The following CLIP1 variants were observed in gnomAD, a reference collection of about 807,000 sequenced individuals.
CLIP1 encodes CAP-Gly domain-containing linker protein 1.
A neutral mutation model predicts 161.6 loss-of-function variants in CLIP1; 66 were observed. The ratio of observed to expected loss-of-function variants is 0.41; its 90% CI spans 0.33 to 0.50. The LOEUF is 0.50. Among genes scored for constraint, CLIP1 ranks in the 20% least tolerant of loss-of-function variants. The pLI is 0.27. For synonymous variants in CLIP1, 598 were observed against 626.2 expected (o/e 0.96, Z 0.67); for missense variants, 1,376 against 1,702.0 (o/e 0.81, Z 3.37).
rs1951271381 is a variant in CLIP1, at chr12:122,316,378, T to C, written c.3473+371A>G. Among the ~76,000 whole-genome samples the C allele has an allele frequency of 1.3e-5, 2 of 151,838 alleles. 1 individual carries two copies. The highest frequency in any genetic ancestry group is 4.2e-4 in the South Asian group (2 of 4,804). ...GCACACACCACCATACCCAACTAAT[T>C]TTTGTACTTTTTGTAGAAACAGGGT... On this transcript the variant is annotated intron_variant, in intron 19 of 25. Coordinates refer to ENST00000620786, the MANE Select transcript of CLIP1 (RefSeq NM_001247997.2).
intron 7 of CLIP1, among the ~76,000 whole-genome samples, chr12:122,353,571 A>G (rs1212067411): frequency 1.3e-5 from 2 of 152,178 alleles, no homozygotes; most frequent in Admixed American, 6.5e-5. Context: ...CCATGATCAC[A>G]CCAGTGCACT....
chr12:122,406,535 C>T (rs539319277), intron 1 of CLIP1, among the ~76,000 whole-genome samples: 1 of 152,252 alleles, frequency 6.6e-6, no homozygotes, highest in African/African-American at 2.4e-5. Flanking sequence ...GCCTGCTAAC[C>T]TTAAGTGTTG....
At chr12:122,354,381 C>CT in intron 7 of CLIP1, 72 bp downstream of exon 7, 1 of 1,145,358 alleles carries the variant, frequency 8.7e-7, no homozygotes, top group South Asian at 1.3e-5. Flanking sequence ...GGCAACAGAG[C>CT]TAGACTCTGT....
chr12:122,356,773 G>C (rs1000743525), intron 5 of CLIP1, among the ~76,000 whole-genome samples: 4 of 151,812 alleles, frequency 2.6e-5, no homozygotes, highest in African/African-American at 7.3e-5. Context: ...GAGTGCCTGC[G>C]ATTGCAGGCG....
chr12:122,291,033 C>A (rs999216658), intron 20 of CLIP1, among the ~76,000 whole-genome samples: 1 of 151,772 alleles, frequency 6.6e-6, no homozygotes, highest in African/African-American at 2.4e-5. Context: ...GCTGGGATTA[C>A]AGGCGCTGCC....
At position 122,273,741 on chromosome 12, in the gene CLIP1, G is replaced by GT. The variant is rs146142230; in HGVS notation, c.4091+296dup. Among the ~76,000 whole-genome samples, 20 of 151,580 alleles carry GT rather than the reference G, an allele frequency of 1.3e-4. No individual in the cohort carries two copies. The East Asian group carries it at 2.9e-3, about 22-fold the overall frequency. ...TGAAACTAAGGTTCCAATCAGTATG[G>GT]TTTTTTTTGAGACAGGGTCTTGCTC... On this transcript the variant is annotated intron_variant, in intron 25 of 25. Coordinates refer to ENST00000620786, the MANE Select transcript of CLIP1 (RefSeq NM_001247997.2).
intron 2 of CLIP1, 43 bp from the exon 3 acceptor site, chr12:122,378,003 C>T (rs1954826118): frequency 6.6e-7 from 1 of 1,515,364 alleles, no homozygotes. Flanking sequence ...AATTTTCAAG[C>T]AGACAACCTC....
chr12:122,318,535 AAAC>A (rs1219160221), intron 18 of CLIP1, among the ~76,000 whole-genome samples: 5 of 152,186 alleles, frequency 3.3e-5, no homozygotes, highest in East Asian at 3.8e-4. Flanking sequence ...CTCCATCTCA[AAAC>A]AACAACAACA....
chr12:122,335,855 A>G (rs999799314), intron 12 of CLIP1, among the ~76,000 whole-genome samples: 1 of 152,044 alleles, frequency 6.6e-6, no homozygotes, highest in African/African-American at 2.4e-5. Flanking sequence ...TTAATAGCAC[A>G]GAAGTGTAAT....
chr12:122,377,585 G>A lies in CLIP1; in HGVS notation c.461C>T (p.Ala154Val). 2 of 1,614,000 alleles carry A rather than the reference G, an allele frequency of 1.2e-6. No homozygotes were observed. Among genetic ancestry groups the A allele is most frequent in the Non-Finnish European group, 8.5e-7 (1 of 1,180,014 alleles). ...RATSPLCTST[A>V]SMVSSSPSTP... ...GGAGGGGGAGGAAGACACCATGCTG[G>A]CCGTAGAAGTGCACAGCGGTGAAGT... is the stretch of plus-strand genomic sequence containing the variant. The change falls in exon 3 of 26, where the codon GCC (alanine) becomes GTC (valine). Residue 154 changes from alanine to valine, a missense_variant. Physicochemically the swap from Ala to Val is moderately conservative, Grantham distance 64. Around this residue, in one of 6 missense-constraint regions of CLIP1, gnomAD observed 119 missense variants for 112.0 expected, o/e 1.06. Coordinates refer to ENST00000620786, the MANE Select transcript of CLIP1 (RefSeq NM_001247997.2).
chr12:122,272,680 A>C lies in CLIP1; in HGVS notation c.*195T>G. On this transcript the variant is annotated 3_prime_UTR_variant, in exon 26 of 26. Coordinates refer to ENST00000620786, the MANE Select transcript of CLIP1 (RefSeq NM_001247997.2). The stretch of plus-strand genomic sequence containing the variant: ...CAAAATTCGAGGTGAAAACTCACCT[A>C]CTAAATATTTATTATTCTAACTCAT... 2 of 571,806 alleles carry C rather than the reference A, an allele frequency of 3.5e-6. No individual in the cohort carries two copies. Among genetic ancestry groups the C allele is most frequent in the Non-Finnish European group, 3.1e-6 (1 of 320,412 alleles). The allele number at this position is 571,806 out of a possible 1,614,324, so 35.4% of individuals were successfully genotyped here.
At chr12:122,277,667 T>G (rs1955484248) in intron 24 of CLIP1, 1 of 152,570 alleles carries the variant, frequency 6.6e-6, no homozygotes, top group African/African-American at 2.4e-5. Flanking sequence ...CCAAGATAAT[T>G]CCTTACGGCA....
chr12:122,321,750 C>G (rs1419415309), intron 17 of CLIP1, among the ~76,000 whole-genome samples: 2 of 152,164 alleles, frequency 1.3e-5, no homozygotes, highest in Admixed American at 1.3e-4. Flanking sequence ...AACTCCTAGA[C>G]TGAAGCCATC....
At position 122,408,897 on chromosome 12, in the gene CLIP1, C is replaced by T. The variant is rs146989454; in HGVS notation, c.-107+13624G>A. Among the ~76,000 whole-genome samples, 1,251 of 152,134 alleles carry T rather than the reference C, an allele frequency of 8.2e-3. 4 individuals are homozygous for T. The highest frequency in any genetic ancestry group is 0.014 in the Non-Finnish European group (942 of 68,010). On this transcript the variant is annotated intron_variant, in intron 1 of 25. Coordinates refer to ENST00000620786, the MANE Select transcript of CLIP1 (RefSeq NM_001247997.2). ...CACGATCTTGGCTCACTGCAACCTC[C>T]GCCTCCCAGGCTCAAGTGATTCTCC...
chr12:122,398,097 TG>T (rs902402785), intron 1 of CLIP1, among the ~76,000 whole-genome samples: 4 of 152,106 alleles, frequency 2.6e-5, no homozygotes, highest in African/African-American at 9.7e-5. Flanking sequence ...TGAATCATCT[TG>T]GCCAAGTAAA....
intron 1 of CLIP1, among the ~76,000 whole-genome samples, chr12:122,420,499 T>G (rs543273226): frequency 6.6e-6 from 1 of 152,314 alleles, no homozygotes; most frequent in African/African-American, 2.4e-5. Context: ...GCAAAATACC[T>G]ACCCAGGGTC....
At chr12:122,333,182 T>C (rs1952065873) in intron 14 of CLIP1, 39 bp from the exon 15 acceptor site, 3 of 1,490,918 alleles carry the variant, frequency 2.0e-6, no homozygotes, top group African/African-American at 1.4e-5. Flanking sequence ...ACGGCTGTGT[T>C]ATATCAACAA....
intron 8 of CLIP1, among the ~76,000 whole-genome samples, chr12:122,352,334 G>A: frequency 6.6e-6 from 1 of 152,078 alleles, no homozygotes; most frequent in East Asian, 1.9e-4. Context: ...TGGGATTACA[G>A]GCGTGAACCA....
At chr12:122,415,439 G>A (rs375621581) in intron 1 of CLIP1, among the ~76,000 whole-genome samples, 3 of 141,734 alleles carry the variant, frequency 2.1e-5, no homozygotes, top group Non-Finnish European at 3.0e-5. Flanking sequence ...CCGAGATGGC[G>A]CCACTGCACT....
Sources: allele counts gnomAD v4.1 joint callset (sites outside exome capture counted in the v4.1 genomes callset), GRCh38; gene constraint gnomAD v4.1.1; regional missense constraint gnomAD v4.1.1; transcripts MANE v1.5; gene names NCBI Gene and HGNC (gene_info 2026-07-23, HGNC 2026-07-21).